The following WDHD1 variants were observed in gnomAD, a reference collection of about 807,000 sequenced individuals.
The protein encoded by WDHD1 is WD repeat and HMG-box DNA binding protein 1.
Under a neutral mutation model 135.4 loss-of-function variants are expected in WDHD1, and 111 were observed. That is an observed-to-expected ratio of 0.82 (90% confidence interval 0.70 to 0.96). The LOEUF is 0.96. Among genes scored for constraint, WDHD1 ranks in the 40% least tolerant of loss-of-function variants. The pLI is 0.00. For synonymous variants in WDHD1, 434 were observed against 439.0 expected (o/e 0.99, Z 0.14); for missense variants, 1,351 against 1,336.3 (o/e 1.01, Z -0.17).
rs1271271057 is a variant in WDHD1 at position 54,970,434 on chromosome 14, C to A, written c.2064-3040G>T. On this transcript the variant is annotated intron_variant, in intron 16 of 25. Coordinates refer to ENST00000360586, the MANE Select transcript of WDHD1 (RefSeq NM_007086.4). ...AATAGTCATACATGTACATAAAATACCTAGGAATATATCTAACCAAGGAGG... is the reference window on the plus strand; with the variant it reads ...AATAGTCATACATGTACATAAAATAACTAGGAATATATCTAACCAAGGAGG... 2.6e-5 allele frequency among the ~76,000 whole-genome samples: 4 copies of A among 151,834 alleles called. 1 individual carries two copies. Among genetic ancestry groups the A allele is most frequent in the Admixed American group, 2.0e-4 (3 of 15,226 alleles).
chr14:55,026,512 G>T (rs1000144229), intron 2 of WDHD1, among the ~76,000 whole-genome samples, 199 bp downstream of exon 2: 30 of 149,926 alleles, frequency 2.0e-4, no homozygotes, highest in African/African-American at 6.8e-4. Context: ...CTGGAAGTAC[G>T]ATTATAACTT....
At chr14:54,967,440 A>T (rs778262544) in intron 16 of WDHD1, 46 bp from the exon 17 acceptor site, 1 of 1,425,378 alleles carries the variant, frequency 7.0e-7, no homozygotes, top group Non-Finnish European at 9.6e-7. Flanking sequence ...CTAACATGTC[A>T]TAAAAACTAC....
In WDHD1 at chr14:54,939,715, G is replaced by A. The variant is rs1260433172; in HGVS notation, c.*1775C>T. ...AAGTCAATACAAAAACCTTCCTTCA[G>A]CCAAAAAAAAGTAGGGAAGTAAAAA... On this transcript the variant is annotated 3_prime_UTR_variant, in exon 26 of 26. Transcript: ENST00000360586. The A allele has an allele frequency of 6.6e-6, 1 of 151,944 alleles. No individual in the cohort carries two copies. The highest frequency in any genetic ancestry group is 2.4e-5 in the African/African-American group (1 of 41,384). 9.4% of individuals were successfully genotyped at this position (151,944 alleles called of 1,614,324 possible). A position where few individuals can be genotyped will look rare whatever the true frequency, so the allele number is the denominator to read the frequency against.
chr14:54,963,259 C>A, intron 18 of WDHD1, 87 bp from the exon 19 acceptor site: 4 of 1,017,044 alleles, frequency 3.9e-6, no homozygotes, highest in Admixed American at 2.3e-5. Context: ...AAAACTGAGA[C>A]AATAGTTTTC....
At chr14:54,957,246 A>T (rs759271733) in intron 22 of WDHD1, 42 bp from the exon 23 acceptor site, 1 of 1,547,690 alleles carries the variant, frequency 6.5e-7, no homozygotes, top group African/African-American at 1.4e-5. Flanking sequence ...TTTAAAGAAG[A>T]AAAATAAAAT....
At chr14:54,951,986 G>A (rs1224176264) in intron 24 of WDHD1, among the ~76,000 whole-genome samples, 4 of 152,124 alleles carry the variant, frequency 2.6e-5, no homozygotes, top group Non-Finnish European at 5.9e-5. Flanking sequence ...TTGATGGGAT[G>A]TATCTCAAAA....
intron 18 of WDHD1, among the ~76,000 whole-genome samples, chr14:54,963,474 T>G (rs965734424): frequency 6.6e-6 from 1 of 152,078 alleles, no homozygotes; most frequent in Non-Finnish European, 1.5e-5. Flanking sequence ...CACTTTAATC[T>G]ACTAATTGCA....
At chr14:54,948,260 T>A (rs561351789) in intron 24 of WDHD1, among the ~76,000 whole-genome samples, 12 of 152,154 alleles carry the variant, frequency 7.9e-5, no homozygotes, top group African/African-American at 2.4e-4. Context: ...AGGCATCACC[T>A]CACCCGGGAA....
intron 10 of WDHD1, among the ~76,000 whole-genome samples, chr14:54,997,846 G>A (rs1393483727): frequency 2.0e-5 from 3 of 151,006 alleles, no homozygotes; most frequent in Non-Finnish European, 2.9e-5. Flanking sequence ...GGGAAGCAGA[G>A]GTTGCAGTGA....
intron 13 of WDHD1, 33 bp from the exon 14 acceptor site, chr14:54,987,420 C>T (rs753962729): frequency 1.9e-6 from 3 of 1,580,788 alleles, no homozygotes; most frequent in Non-Finnish European, 2.6e-6. Flanking sequence ...AACAATCAAA[C>T]TTTCATATGA....
chr14:54,978,512 G>T (rs1259143646), intron 16 of WDHD1, among the ~76,000 whole-genome samples: 1 of 151,848 alleles, frequency 6.6e-6, no homozygotes, highest in South Asian at 2.1e-4. Flanking sequence ...TTGAGCCCAG[G>T]AATTCAAGGC....
chr14:54,993,708 G>A (rs2041829520), intron 11 of WDHD1, among the ~76,000 whole-genome samples: 2 of 151,836 alleles, frequency 1.3e-5, no homozygotes, highest in Admixed American at 6.6e-5. Flanking sequence ...TATCCTCTAT[G>A]ATAGACATTA....
chr14:54,988,416 A>G (rs2041727990), intron 13 of WDHD1, among the ~76,000 whole-genome samples: 1 of 152,200 alleles, frequency 6.6e-6, no homozygotes, highest in East Asian at 1.9e-4. Flanking sequence ...GGTTGAACTA[A>G]CTGCAAAGGG....
intron 25 of WDHD1, among the ~76,000 whole-genome samples, chr14:54,942,744 T>G (rs1292809246): frequency 1.3e-5 from 2 of 152,228 alleles, no homozygotes; most frequent in African/African-American, 4.8e-5. Context: ...TCCCCACTCC[T>G]ACTTTATTTC....
chr14:54,987,321 C>T lies in WDHD1; in HGVS notation c.1593G>A (p.Gln531=). 3 of 1,614,054 alleles carry T rather than the reference C, an allele frequency of 1.9e-6. No individual in the cohort carries two copies. Among genetic ancestry groups the T allele is most frequent in the Non-Finnish European group, 1.7e-6 (2 of 1,179,984 alleles). ...SSKEWIIDLP[Q]NEDIEAICLG... ...GACATATGGCTTCAATATCCTCATTCTGAGGCAAGTCTATTATCCACTCTT... is the reference window on the plus strand; with the variant it reads ...GACATATGGCTTCAATATCCTCATTTTGAGGCAAGTCTATTATCCACTCTT... The change falls in exon 14 of 26, where the codon CAG becomes CAA. Residue 531 remains glutamine, a synonymous_variant. Coordinates refer to ENST00000360586, the MANE Select transcript of WDHD1 (RefSeq NM_007086.4).
chr14:54,968,371 G>A (rs1232253300), intron 16 of WDHD1, among the ~76,000 whole-genome samples: 1 of 152,110 alleles, frequency 6.6e-6, no homozygotes, highest in African/African-American at 2.4e-5. Context: ...GCAATGTTAA[G>A]AGGAACGTTT....
chr14:54,983,042 T>TA (rs1219063365), intron 15 of WDHD1, among the ~76,000 whole-genome samples: 1 of 152,056 alleles, frequency 6.6e-6, no homozygotes, highest in Non-Finnish European at 1.5e-5. Context: ...TATGTGCCTG[T>TA]AGTCCCAGAT....
At chr14:54,959,403 AGGAGGGAGGGAGGGAGGGAAGAAGGAAG>A (rs1405838732) in intron 21 of WDHD1, among the ~76,000 whole-genome samples, 2 of 41,560 alleles carry the variant, frequency 4.8e-5, no homozygotes, top group East Asian at 6.3e-4. Context: ...CGGGGGGAAG[AGGAGGGAGGGAGGGAGGGAAGAAGGAAG>A]GGAGGGAGGG....
intron 11 of WDHD1, among the ~76,000 whole-genome samples, chr14:54,993,798 TTAA>T (rs1363166614): frequency 6.6e-6 from 1 of 152,214 alleles, no homozygotes; most frequent in Non-Finnish European, 1.5e-5. Context: ...CATGAGTTTA[TTAA>T]TGTTATTTTT....
Sources: gnomAD v4.1 joint callset for allele counts (sites outside exome capture counted in the v4.1 genomes callset) on GRCh38, gnomAD v4.1.1 for gene constraint, MANE v1.5 for transcripts, NCBI Gene and HGNC (gene_info 2026-07-23, HGNC 2026-07-21) for gene names.